DIP2B: variants seen among roughly 807,000 people sequenced by gnomAD.
DIP2B encodes the protein disco-interacting protein 2 homolog B.
DIP2B carries 76 observed loss-of-function variants against 198.0 expected under a neutral mutation model. That is an observed-to-expected ratio of 0.38 (90% CI 0.32 to 0.46). The LOEUF (loss-of-function observed/expected upper bound fraction) is 0.46, where lower values mean the gene tolerates loss of function less well. DIP2B is among the 20% of genes least tolerant of loss of function. The probability of loss-of-function intolerance (pLI) is 0.99; values close to 1 mark genes in which losing one functional copy is unlikely to be tolerated. For synonymous variants in DIP2B, 701 were observed against 739.1 expected (o/e 0.95, Z 0.84); for missense variants, 1,559 against 1,978.4 (o/e 0.79, Z 4.02).
chr12:50,655,842 G>A (rs531332469), intron 3 of DIP2B, among the ~76,000 whole-genome samples: 28 of 152,256 alleles, frequency 1.8e-4, no homozygotes, highest in African/African-American at 6.7e-4. Flanking sequence ...TTAGCTGGGT[G>A]TGCACCTGTG....
At chr12:50,716,251 A>G (rs1939711833) in intron 23 of DIP2B, among the ~76,000 whole-genome samples, 1 of 151,822 alleles carries the variant, frequency 6.6e-6, no homozygotes, top group African/African-American at 2.4e-5. Flanking sequence ...TTGCATATTT[A>G]CTTAAAATTG....
intron 2 of DIP2B, among the ~76,000 whole-genome samples, chr12:50,639,486 A>G (rs893589618): frequency 2.6e-5 from 4 of 151,904 alleles, no homozygotes; most frequent in African/African-American, 9.7e-5. Context: ...TAAATGATAT[A>G]ACATTGTCAT....
intron 3 of DIP2B, among the ~76,000 whole-genome samples, chr12:50,659,475 G>GTT (rs374355770): frequency 2.8e-5 from 4 of 141,080 alleles, no homozygotes; most frequent in African/African-American, 2.6e-5. Flanking sequence ...TTTTGTAAGA[G>GTT]TTTTTTTTTT....
chr12:50,543,522 C>T (rs1958345867), intron 1 of DIP2B, among the ~76,000 whole-genome samples: 1 of 151,912 alleles, frequency 6.6e-6, no homozygotes, highest in South Asian at 2.1e-4. Context: ...CTCCTGACCT[C>T]AGGTGATCCG....
At chr12:50,551,670 C>T (rs548658631) in intron 1 of DIP2B, among the ~76,000 whole-genome samples, 135 of 152,302 alleles carry the variant, frequency 8.9e-4, no homozygotes, top group Middle Eastern at 6.8e-3. Context: ...TCTTGAACTC[C>T]TGAGCTCACG....
In DIP2B at chr12:50,685,846, A is replaced by G. The variant is rs780746646; in HGVS notation, c.1331A>G (p.Gln444Arg). 6.2e-7 allele frequency: 1 copy of G among 1,613,602 alleles called. No individual in the cohort carries two copies. Among genetic ancestry groups the G allele is most frequent in the Admixed American group, 1.7e-5 (1 of 59,966 alleles). The change falls in exon 11 of 38, where the codon CAG (glutamine) becomes CGG (arginine). Residue 444 changes from glutamine (Q) to arginine (R), a missense_variant. By Grantham distance (43) the Gln-to-Arg change is conservative (BLOSUM62 1). Coordinates refer to ENST00000301180, the MANE Select transcript of DIP2B (RefSeq NM_173602.3). Reference protein sequence around the residue: ...VPLTRKDAGGQQIGFLLGSCG... With the variant: ...VPLTRKDAGGRQIGFLLGSCG... ...ATTTCTCCACAGGATGCTGGAGGTC[A>G]GCAGATTGGCTTCTTGCTAGGAAGC...
chr12:50,574,924 A>C (rs1005438273), intron 1 of DIP2B, among the ~76,000 whole-genome samples: 1 of 152,232 alleles, frequency 6.6e-6, no homozygotes, highest in African/African-American at 2.4e-5. Context: ...GCCTTTCTGA[A>C]ACATCTGTGA....
chr12:50,713,636 C>T (rs967072594), intron 22 of DIP2B, among the ~76,000 whole-genome samples: 13 of 152,320 alleles, frequency 8.5e-5, no homozygotes, highest in African/African-American at 2.9e-4. Context: ...TGGTGAATCA[C>T]TTAAGTGGGG....
intron 1 of DIP2B, among the ~76,000 whole-genome samples, chr12:50,508,483 T>TA (rs1957986816): frequency 6.6e-6 from 1 of 152,206 alleles, no homozygotes; most frequent in South Asian, 2.1e-4. Flanking sequence ...TGAGCTTTAC[T>TA]AAACTTCACT....
At chr12:50,512,857 A>G (rs2139341490) in intron 1 of DIP2B, among the ~76,000 whole-genome samples, 1 of 152,280 alleles carries the variant, frequency 6.6e-6, no homozygotes, top group South Asian at 2.1e-4. Flanking sequence ...ATACAAAAAA[A>G]TTAGCCGGGC....
intron 19 of DIP2B, 65 bp downstream of exon 19, chr12:50,699,267 C>A: frequency 1.3e-6 from 2 of 1,595,104 alleles, no homozygotes; most frequent in Non-Finnish European, 1.7e-6. Flanking sequence ...GAGGGCAGAT[C>A]CCCTGGTTGA....
At position 50,741,415 on chromosome 12, in the gene DIP2B, G is replaced by C. The variant is rs776360334; in HGVS notation, c.4355-1G>C. ...CATTTCTCTCTTTTTCTTTCTGTCA[G>C]AGCGTCATGATGCATTGTATGTGGT... On this transcript the variant is annotated splice_acceptor_variant, in intron 36 of 37. Transcript: ENST00000301180. LOFTEE classifies it high-confidence loss of function. 6.2e-7 allele frequency: 1 copy of C among 1,613,568 alleles called. No homozygotes were observed. The highest frequency in any genetic ancestry group is 8.5e-7 in the Non-Finnish European group (1 of 1,179,852).
chr12:50,649,383 C>G (rs558940314), intron 3 of DIP2B, among the ~76,000 whole-genome samples: 4 of 152,156 alleles, frequency 2.6e-5, no homozygotes, highest in Non-Finnish European at 5.9e-5. Context: ...TAGTATGGCA[C>G]ACAGATTAGA....
At chr12:50,515,857 A>T (rs1309217825) in intron 1 of DIP2B, among the ~76,000 whole-genome samples, 3 of 152,104 alleles carry the variant, frequency 2.0e-5, no homozygotes, top group Admixed American at 2.0e-4. Context: ...ACTCTGTTTC[A>T]ACTTCCTCCT....
chr12:50,664,385 T>A (rs1938709542), intron 4 of DIP2B, among the ~76,000 whole-genome samples: 1 of 152,196 alleles, frequency 6.6e-6, no homozygotes, highest in African/African-American at 2.4e-5. Flanking sequence ...AATTAGAAAA[T>A]TTAAATTCTC....
chr12:50,659,769 C>A (rs1041034048), intron 3 of DIP2B, among the ~76,000 whole-genome samples: 1 of 152,116 alleles, frequency 6.6e-6, no homozygotes, highest in South Asian at 2.1e-4. Context: ...AAGAAATTTT[C>A]TTTCAGTTAA....
chr12:50,573,575 A>T (rs1565829274), intron 1 of DIP2B, among the ~76,000 whole-genome samples: 1 of 152,296 alleles, frequency 6.6e-6, no homozygotes, highest in East Asian at 1.9e-4. Context: ...GTCTGGAATG[A>T]TTTGTAGAAA....
At position 50,704,164 on chromosome 12, in the gene DIP2B, T is replaced by C. The variant is rs763784226; in HGVS notation, c.2350T>C (p.Ser784Pro). 4 of 1,610,700 alleles carry C rather than the reference T, an allele frequency of 2.5e-6. No individual in the cohort carries two copies. Among genetic ancestry groups the C allele is most frequent in the South Asian group, 1.1e-5 (1 of 90,130 alleles). Residue 784 changes from serine to proline, a missense_variant, in exon 20 of 38, where the codon TCT becomes CCT. By Grantham distance (74) the Ser-to-Pro change is moderately conservative. Transcript: ENST00000301180. ...GGTAATTCCAGTGAATTCTGCAGGC[T>C]CTCCTGTTGGGGATGTGCCATTCAT... ...FEVIPVNSAGSPVGDVPFIRS... is the reference protein window; with the variant it reads ...FEVIPVNSAGPPVGDVPFIRS...
At chr12:50,511,423 C>G (rs1044556666) in intron 1 of DIP2B, among the ~76,000 whole-genome samples, 13 of 151,314 alleles carry the variant, frequency 8.6e-5, no homozygotes, top group Non-Finnish European at 1.8e-4. Flanking sequence ...TCCCCAATAG[C>G]TGGGACTACA....
Sources: allele counts gnomAD v4.1 joint callset (sites outside exome capture counted in the v4.1 genomes callset), GRCh38; gene constraint gnomAD v4.1.1; transcripts MANE v1.5; gene names NCBI Gene and HGNC (gene_info 2026-07-23, HGNC 2026-07-21).